RPS6: variants seen among roughly 807,000 people sequenced by gnomAD.
The protein encoded by RPS6 is small ribosomal subunit protein eS6.
Under a neutral mutation model 27.1 loss-of-function variants are expected in RPS6, and 1 was observed. The observed-to-expected ratio is 0.04, with a 90% confidence interval of 0.01 to 0.18. The LOEUF (loss-of-function observed/expected upper bound fraction) is 0.18. Among genes scored for constraint, RPS6 ranks in the 10% least tolerant of loss-of-function variants. The pLI is 1.00. For synonymous variants in RPS6, 152 were observed against 106.0 expected, an observed-to-expected ratio of 1.43 and a Z score of -2.66; for missense variants, 259 against 319.1, an observed-to-expected ratio of 0.81 and a Z score of 1.44.
intron 1 of RPS6, chr9:19,379,914 C>G: frequency 7.0e-7 from 1 of 1,429,794 alleles, no homozygotes; most frequent in South Asian, 1.5e-5. Context: ...AGCCGCACCA[C>G]AGGCCTGCCG....
At chr9:19,379,679 A>G in intron 1 of RPS6, 61 bp from the exon 2 acceptor site, 1 of 1,539,848 alleles carries the variant, frequency 6.5e-7, no homozygotes, top group Non-Finnish European at 8.7e-7. Flanking sequence ...TTGTAGAGCC[A>G]TCTACAAAGT....
intron 4 of RPS6, 72 bp from the exon 5 acceptor site, chr9:19,376,723 GAAAT>G: frequency 6.9e-7 from 1 of 1,443,896 alleles, no homozygotes; most frequent in Non-Finnish European, 9.4e-7. Flanking sequence ...AAAAACATCA[GAAAT>G]AAACGTAAGC....
rs560189592 is a variant in RPS6, at chr9:19,378,889, G to A, written c.168C>T (p.Asn56=). 3.7e-6 allele frequency: 6 copies of A among 1,614,110 alleles called. No individual in the cohort carries two copies. The highest frequency in any genetic ancestry group is 3.3e-5 in the South Asian group (3 of 91,084). ...GCTTCATGGGGAAACCTTGTTTGTC[G>A]TTCCCACCACTGATTCGGACCACAT... ...KGYVVRISGG[N]DKQGFPMKQG... Residue 56 remains asparagine, a synonymous_variant, in exon 3 of 6, where the codon AAC becomes AAT. Coordinates refer to ENST00000380394, the MANE Select transcript of RPS6 (RefSeq NM_001010.3).
intron 2 of RPS6, 30 bp downstream of exon 2, chr9:19,379,457 A>C: frequency 6.2e-7 from 1 of 1,613,708 alleles, no homozygotes; most frequent in Non-Finnish European, 8.5e-7. Context: ...TCTCTGACTT[A>C]AATACCTGCA....
At position 19,376,011 on chromosome 9, in the gene RPS6, C is replaced by G. The variant is rs2132424603; in HGVS notation, c.*282G>C. On this transcript the variant is annotated 3_prime_UTR_variant, in exon 6 of 6. Transcript: ENST00000380394. The stretch of plus-strand genomic sequence containing the variant: ...TATAAAAAAGATTAATAGTCCTCAT[C>G]ATTTCCCCTAAGTTCCATGCCATTC... 1 of 289,032 alleles carries G rather than the reference C, an allele frequency of 3.5e-6. No individual in the cohort carries two copies. Among genetic ancestry groups the G allele is most frequent in the Admixed American group, 4.6e-5 (1 of 21,696 alleles). 17.9% of individuals were successfully genotyped at this position (289,032 alleles called of 1,614,324 possible). A position where few individuals can be genotyped will look rare whatever the true frequency, so the allele number is the denominator to read the frequency against.
In RPS6 at chr9:19,375,898, A is replaced by ATGTG. The variant is rs1829566907; in HGVS notation, c.*394_*395insCACA. ...TATGCCTTAAAAGTTACCTTTTAAA[A>ATGTG]AAGACATGTTCATCTTCACAAGGTC... is the stretch of plus-strand genomic sequence containing the variant. On this transcript the variant is annotated 3_prime_UTR_variant, in exon 6 of 6. Coordinates refer to ENST00000380394, the MANE Select transcript of RPS6 (RefSeq NM_001010.3). 1.3e-5 allele frequency: 2 copies of ATGTG among 154,712 alleles called. No individual in the cohort carries two copies. Among genetic ancestry groups the ATGTG allele is most frequent in the Admixed American group, 1.3e-4 (2 of 15,586 alleles). 9.6% of individuals were successfully genotyped at this position (154,712 alleles called of 1,614,324 possible).
In RPS6 at chr9:19,376,634, T is replaced by C. The variant is rs1306833060; in HGVS notation, c.514A>G (p.Lys172Glu). The C allele has an allele frequency of 1.9e-6, 3 of 1,608,368 alleles. No homozygotes were observed. Among genetic ancestry groups the C allele is most frequent in the Admixed American group, 3.4e-5 (2 of 58,122 alleles). ...ACAAGACGCTGAATCTTGGGTGCTT[T>C]GGTCCTAGGTTTCTTACCTAAAAAT... ...LNKEGKKPRT[K>E]APKIQRLVTP... Residue 172 changes from lysine (K) to glutamate (E), a missense_variant, in exon 5 of 6, where the codon AAA (lysine) becomes GAA (glutamate). By Grantham distance (56) the Lys-to-Glu change is moderately conservative. This residue lies in a region of RPS6 where 191 missense variants were observed against 231.6 expected (regional missense o/e 0.82). Coordinates refer to ENST00000380394, the MANE Select transcript of RPS6 (RefSeq NM_001010.3).
At chr9:19,378,016 C>G (rs1829618073) in intron 4 of RPS6, among the ~76,000 whole-genome samples, 1 of 152,170 alleles carries the variant, frequency 6.6e-6, no homozygotes, top group South Asian at 2.1e-4. Flanking sequence ...TTTAGAACAT[C>G]TGATATAAAA....
chr9:19,375,840 TGGTATCCACTAAAACTA>T lies in RPS6; in HGVS notation c.*436_*452del, dbSNP rs71496816. The stretch of plus-strand genomic sequence containing the variant: ...AATGGCTTAAAAACCATTTAGTGGA[TGGTATCCACTAAAACTA>T]GGTATCCACTAAAACTATGCCTTAA... On this transcript the variant is annotated 3_prime_UTR_variant, in exon 6 of 6. Coordinates refer to ENST00000380394, the MANE Select transcript of RPS6 (RefSeq NM_001010.3). 21,376 of 152,368 alleles carry T rather than the reference TGGTATCCACTAAAACTA, an allele frequency of 0.14. 2,147 individuals carry two copies. The highest frequency in any genetic ancestry group is 0.28 in the African/African-American group (11,347 of 41,258). The allele number at this position is 152,368 out of a possible 1,614,324, so 9.4% of individuals were successfully genotyped here. A position where few individuals can be genotyped will look rare whatever the true frequency, so the allele number is the denominator to read the frequency against.
chr9:19,379,074 C>A, intron 2 of RPS6, 156 bp from the exon 3 acceptor site: 4 of 836,390 alleles, frequency 4.8e-6, no homozygotes, highest in South Asian at 1.9e-5. Context: ...TGAGTTTTGT[C>A]TATATTCCCA....
chr9:19,376,137 T>C lies in RPS6; in HGVS notation c.*156A>G, dbSNP rs926208062. 9 of 653,608 alleles carry C rather than the reference T, an allele frequency of 1.4e-5. No individual in the cohort carries two copies. The South Asian group carries it at 1.6e-4, about 11-fold the overall frequency. The allele number at this position is 653,608 out of a possible 1,614,324, so 40.5% of individuals were successfully genotyped here. ...CCTTGTCTTCCACTACCACACACAA[T>C]AGGTCTGACTTTATCCACCATTGGA... On this transcript the variant is annotated 3_prime_UTR_variant, in exon 6 of 6. Transcript: ENST00000380394.
In RPS6 at chr9:19,379,904, A is replaced by G. The variant is rs1348463587; in HGVS notation, c.6+286T>C. On this transcript the variant is annotated intron_variant, in intron 1 of 5. Transcript: ENST00000380394. ...CCGAAGCAAGAAAGCCGGGGTCAAG[A>G]GCCGCACCACAGGCCTGCCGCAAAC... 7 of 1,426,342 alleles carry G rather than the reference A, an allele frequency of 4.9e-6. No homozygotes were observed. The East Asian group carries it at 7.6e-5, about 16-fold the overall frequency. The allele number at this position is 1,426,342 out of a possible 1,614,324, so 88.4% of individuals were successfully genotyped here. A position where few individuals can be genotyped will look rare whatever the true frequency, so the allele number is the denominator to read the frequency against.
rs766700561 is a variant in RPS6, at chr9:19,378,483, A to G, written c.381T>C (p.Thr127=). The change falls in exon 4 of 6, where the codon ACT becomes ACC. Residue 127 remains threonine, a synonymous_variant. Coordinates refer to ENST00000380394, the MANE Select transcript of RPS6 (RefSeq NM_001010.3). The stretch of plus-strand genomic sequence containing the variant: ...TGGGGCCCAGGCGGCGAGGCACTGT[A>G]GTATCAGTCAGTCCAGGAATATCCT... The part of the protein sequence containing the change: ...GEKDIPGLTD[T]TVPRRLGPKR... The G allele has an allele frequency of 1.2e-6, 2 of 1,614,214 alleles. No homozygotes were observed. Among genetic ancestry groups the G allele is most frequent in the Non-Finnish European group, 1.7e-6 (2 of 1,180,044 alleles).
intron 4 of RPS6, 43 bp from the exon 5 acceptor site, chr9:19,376,694 T>C (rs749392311): frequency 7.6e-6 from 12 of 1,571,300 alleles, no homozygotes; most frequent in Non-Finnish European, 9.5e-6. Context: ...TTTGTTTTGT[T>C]AGAATCCACA....
chr9:19,378,671 T>A (rs751748966), intron 3 of RPS6, 37 bp downstream of exon 3: 3 of 1,608,774 alleles, frequency 1.9e-6, no homozygotes, highest in African/African-American at 1.3e-5. Flanking sequence ...TGGCTTTAAA[T>A]CAATTTCAAC....
At chr9:19,377,170 T>C (rs1273037808) in intron 4 of RPS6, among the ~76,000 whole-genome samples, 1 of 152,244 alleles carries the variant, frequency 6.6e-6, no homozygotes, top group Non-Finnish European at 1.5e-5. Context: ...CAGATCTGCA[T>C]TGGAGCATAG....
rs1554647275 is a variant in RPS6 at position 19,376,313 on chromosome 9, A to G, written c.730T>C (p.Ser244Pro). The change falls in exon 6 of 6, where the codon TCT becomes CCT. Residue 244 changes from serine to proline, a missense_variant. Around this residue, in one of 3 missense-constraint regions of RPS6, gnomAD observed 191 missense variants for 231.6 expected, o/e 0.82. Coordinates refer to ENST00000380394, the MANE Select transcript of RPS6 (RefSeq NM_001010.3). ...AAATCTTATTTCTGACTGGATTCAG[A>G]CTTAGAAGTAGAAGCTCGCAGAGAG... Reference protein sequence around the residue: ...LSSLRASTSKSESSQK With the variant: ...LSSLRASTSKPESSQK 1 of 1,613,826 alleles carries G rather than the reference A, an allele frequency of 6.2e-7. No homozygotes were observed. The highest frequency in any genetic ancestry group is 1.1e-5 in the South Asian group (1 of 91,048).
At chr9:19,378,037 T>C (rs1433514406) in intron 4 of RPS6, among the ~76,000 whole-genome samples, 1 of 152,202 alleles carries the variant, frequency 6.6e-6, no homozygotes, top group African/African-American at 2.4e-5. Flanking sequence ...TTACAAAGTG[T>C]GTGGTGCTAA....
chr9:19,380,064 C>T (rs1392656789), intron 1 of RPS6, 126 bp downstream of exon 1: 2 of 1,600,198 alleles, frequency 1.2e-6, no homozygotes, highest in Admixed American at 1.7e-5. Flanking sequence ...GGCGAGCCTT[C>T]TCCTACTTGA....
Sources: gnomAD v4.1 joint callset for allele counts (sites outside exome capture counted in the v4.1 genomes callset) on GRCh38, gnomAD v4.1.1 for gene constraint, gnomAD v4.1.1 regional missense constraint, MANE v1.5 for transcripts, NCBI Gene and HGNC (gene_info 2026-07-23, HGNC 2026-07-21) for gene names.